CACNA1A: variants seen among roughly 807,000 people sequenced by gnomAD.
CACNA1A encodes the protein voltage-dependent P/Q-type calcium channel subunit alpha-1A.
In CACNA1A, 57 loss-of-function variants were observed where a neutral mutation model predicts 262.4. The observed-to-expected ratio is 0.22, with a 90% CI of 0.18 to 0.27. The LOEUF (loss-of-function observed/expected upper bound fraction) is 0.27, where lower values mean the gene tolerates loss of function less well. Among genes scored for constraint, CACNA1A ranks in the 10% least tolerant of loss-of-function variants. CACNA1A has a pLI of 1.00. For synonymous variants in CACNA1A, 1,431 were observed against 1,419.3 expected (o/e 1.01, Z -0.18); for missense variants, 2,526 against 3,562.8 (o/e 0.71, Z 7.41).
At chr19:13,262,069 T>C (rs191242191) in intron 25 of CACNA1A, 3 of 161,330 alleles carry the variant, frequency 1.9e-5, no homozygotes, top group African/African-American at 7.2e-5. Context: ...CAGTATCTGT[T>C]TTCTGTCTTT....
intron 1 of CACNA1A, among the ~76,000 whole-genome samples, chr19:13,465,118 ACATGGTTTCAC>A (rs1427767343): frequency 6.6e-6 from 1 of 151,630 alleles, no homozygotes; most frequent in East Asian, 2.0e-4. Context: ...TTTAGTAGAG[ACATGGTTTCAC>A]CATGTTGGCC....
intron 23 of CACNA1A, 95 bp downstream of exon 23, chr19:13,276,974 A>T (rs571072275): frequency 3.5e-4 from 284 of 803,538 alleles, no homozygotes; most frequent in East Asian, 1.1e-3. Flanking sequence ...AGCCTCCCAA[A>T]GTGCTGGGAT....
chr19:13,475,879 C>T (rs755220216), intron 1 of CACNA1A, among the ~76,000 whole-genome samples: 2 of 152,074 alleles, frequency 1.3e-5, no homozygotes, highest in Non-Finnish European at 1.5e-5. Flanking sequence ...TCTTTAGAAA[C>T]CAAAACACAT....
chr19:13,433,292 C>CAAAAA (rs71170514), intron 3 of CACNA1A, among the ~76,000 whole-genome samples: 1 of 98,218 alleles, frequency 1.0e-5, no homozygotes, highest in African/African-American at 3.9e-5. Flanking sequence ...GACTCTGTCT[C>CAAAAA]AAAAAAAAAA....
Position 13,286,486 on chromosome 19 carries a change from A to C in CACNA1A, c.3553+17T>G. On this transcript the variant is annotated intron_variant, in intron 20 of 46. Transcript: ENST00000360228. ...GCCAGGTCCCCTGCCCAGTGATGTGAGAGCAGAGGGTCTCACCTTGTACGA... is the reference window on the plus strand; with the variant it reads ...GCCAGGTCCCCTGCCCAGTGATGTGCGAGCAGAGGGTCTCACCTTGTACGA... 8.5e-7 allele frequency: 1 copy of C among 1,180,388 alleles called. No individual in the cohort carries two copies. The highest frequency in any genetic ancestry group is 1.2e-6 in the Non-Finnish European group (1 of 845,568). The allele number at this position is 1,180,388 out of a possible 1,614,324, so 73.1% of individuals were successfully genotyped here. A position where few individuals can be genotyped will look rare whatever the true frequency, so the allele number is the denominator to read the frequency against.
intron 6 of CACNA1A, among the ~76,000 whole-genome samples, chr19:13,340,660 C>T (rs1342368609): frequency 6.6e-6 from 1 of 152,118 alleles, no homozygotes; most frequent in Non-Finnish European, 1.5e-5. Context: ...CTCCCGACCT[C>T]AGGCGATCCA....
chr19:13,490,692 G>GGAAAGAAAGAAAGAAAGAAA (rs56868654), intron 1 of CACNA1A, among the ~76,000 whole-genome samples: 7 of 132,592 alleles, frequency 5.3e-5, no homozygotes, highest in Non-Finnish European at 7.8e-5. Context: ...GAGAAAGAAA[G>GGAAAGAAAGAAAGAAAGAAA]GAAAGAAAGA....
chr19:13,297,188 C>T (rs956056396), intron 19 of CACNA1A, among the ~76,000 whole-genome samples: 13 of 152,196 alleles, frequency 8.5e-5, no homozygotes, highest in African/African-American at 3.1e-4. Flanking sequence ...AATTAGATCC[C>T]ACTATTTCCA....
chr19:13,393,740 TTC>T (rs1214458974), intron 3 of CACNA1A, among the ~76,000 whole-genome samples: 1 of 145,014 alleles, frequency 6.9e-6, no homozygotes, highest in Non-Finnish European at 1.5e-5. Context: ...TTCTTTCCTT[TTC>T]TCTCTCTCCC....
chr19:13,450,139 CAAAA>C lies in CACNA1A; in HGVS notation c.539+2733_539+2736del, dbSNP rs367559329. On this transcript the variant is annotated intron_variant, in intron 3 of 46. Coordinates refer to ENST00000360228, the MANE Select transcript of CACNA1A (RefSeq NM_001127222.2). ...CTGGGTGACAGAGGGAGACTCTTGT[CAAAA>C]AAAAAAAAAAAAAAAAAAAGAGAAA... is the stretch of plus-strand genomic sequence containing the variant. 7.5e-3 allele frequency among the ~76,000 whole-genome samples: 391 copies of C among 52,228 alleles called. 2 individuals carry two copies. The highest frequency in any genetic ancestry group is 0.021 in the African/African-American group (340 of 15,814). 34.3% of individuals were successfully genotyped at this position (52,228 alleles called of 152,430 possible).
At chr19:13,230,232 G>A (rs1452713341) in intron 35 of CACNA1A, 23 bp from the exon 36 acceptor site, 1 of 1,613,496 alleles carries the variant, frequency 6.2e-7, no homozygotes, top group Non-Finnish European at 8.5e-7. Flanking sequence ...CGGGGACCAA[G>A]AGAGAATGGG....
intron 6 of CACNA1A, among the ~76,000 whole-genome samples, chr19:13,353,363 C>T (rs1487742017): frequency 6.7e-6 from 1 of 149,402 alleles, no homozygotes; most frequent in East Asian, 2.0e-4. Context: ...AACTCTTGGG[C>T]TCAAGTGATC....
chr19:13,210,710 T>A (rs1344028978), intron 43 of CACNA1A, 58 bp from the exon 44 acceptor site: 1 of 1,525,650 alleles, frequency 6.6e-7, no homozygotes, highest in Non-Finnish European at 8.9e-7. Flanking sequence ...AAAATAAATA[T>A]AAAAGGCAAG....
At chr19:13,379,503 A>T (rs1007573773) in intron 3 of CACNA1A, among the ~76,000 whole-genome samples, 2 of 152,126 alleles carry the variant, frequency 1.3e-5, no homozygotes, top group African/African-American at 4.8e-5. Flanking sequence ...GCTTAGGAGA[A>T]AGTTACCACA....
chr19:13,206,951 T>G lies in CACNA1A; in HGVS notation c.*362A>C, dbSNP rs1174996395. ...GTTTTTTCTTTTAAAAATGTTTTTTTTTTTTTTTTTTTTTTTTTTTTTCAT... is the reference window on the plus strand; with the variant it reads ...GTTTTTTCTTTTAAAAATGTTTTTTGTTTTTTTTTTTTTTTTTTTTTTCAT... On this transcript the variant is annotated 3_prime_UTR_variant, in exon 47 of 47. Transcript: ENST00000360228. 3 of 56,510 alleles carry G rather than the reference T, an allele frequency of 5.3e-5. No individual in the cohort carries two copies. The allele number at this position is 56,510 out of a possible 1,614,324, so 3.5% of individuals were successfully genotyped here. A position where few individuals can be genotyped will look rare whatever the true frequency, so the allele number is the denominator to read the frequency against.
intron 3 of CACNA1A, among the ~76,000 whole-genome samples, chr19:13,393,700 C>T (rs2059755574): frequency 1.6e-5 from 2 of 121,628 alleles, no homozygotes; most frequent in Middle Eastern, 5.2e-3. Flanking sequence ...TCTTTCTTTA[C>T]CTTTCTCTCT....
chr19:13,291,668 G>A (rs1408276199), intron 19 of CACNA1A, among the ~76,000 whole-genome samples: 2 of 151,186 alleles, frequency 1.3e-5, no homozygotes, highest in Non-Finnish European at 2.9e-5. Context: ...TTAGCTGGGC[G>A]TAGTTGCACG....
intron 26 of CACNA1A, 135 bp from the exon 27 acceptor site, chr19:13,259,836 C>T (rs1399587650): frequency 9.7e-6 from 8 of 821,540 alleles, no homozygotes; most frequent in Non-Finnish European, 1.2e-5. Context: ...CAGTGACTCC[C>T]CATCCTGCCA....
Position 13,286,953 on chromosome 19 carries a change from A to G in CACNA1A, c.3103T>C (p.Ser1035Pro). ...TTGGGGCCCGACACAGGGACCCCGG[A>G]GCCCTGGTTCTCTCTGAGGAAGGCA... is the stretch of plus-strand genomic sequence containing the variant. ...RHRRRKENQGSGVPVSGPNLS... is the reference protein window; with the variant it reads ...RHRRRKENQGPGVPVSGPNLS... The change falls in exon 20 of 47, where the codon TCC becomes CCC. Residue 1035 changes from serine to proline, a missense_variant. Around this residue, in one of 17 missense-constraint regions of CACNA1A, gnomAD observed 765 missense variants for 748.6 expected, o/e 1.02. Transcript: ENST00000360228. 6.2e-7 allele frequency: 1 copy of G among 1,601,492 alleles called. No individual in the cohort carries two copies.
Sources: allele counts gnomAD v4.1 joint callset (sites outside exome capture counted in the v4.1 genomes callset), GRCh38; gene constraint gnomAD v4.1.1; regional missense constraint gnomAD v4.1.1; transcripts MANE v1.5; gene names NCBI Gene and HGNC (gene_info 2026-07-23, HGNC 2026-07-21).